Variants in SRCAP observed in about 807,000 individuals in gnomAD.
SRCAP encodes the protein Snf2 related CREBBP activator protein, also known as chromatin remodeling protein SRCAP.
SRCAP carries 46 observed loss-of-function variants against 263.1 expected under a neutral mutation model. The ratio of observed to expected loss-of-function variants is 0.17; its 90% CI spans 0.14 to 0.22. The LOEUF (loss-of-function observed/expected upper bound fraction) is 0.22. SRCAP is among the 10% of genes least tolerant of loss of function. The pLI is 1.00. For missense variants in SRCAP, 3,695 were observed against 4,181.9 expected (o/e 0.88, Z 3.21); for synonymous variants, 1,813 against 1,662.1 (o/e 1.09, Z -2.21).
At chr16:30,700,306 CAG>C (rs907768212) in intron 2 of SRCAP, among the ~76,000 whole-genome samples, 26 of 152,180 alleles carry the variant, frequency 1.7e-4, no homozygotes, top group African/African-American at 6.0e-4. Flanking sequence ...ACTTACAAAA[CAG>C]ATTATATTAG....
intron 25 of SRCAP, chr16:30,725,385 T>G (rs545052831): frequency 1.1e-4 from 37 of 347,974 alleles, no homozygotes; most frequent in African/African-American, 7.8e-4. Flanking sequence ...TCTCTGTCCC[T>G]TTTATGATTT....
rs368577129 is a variant in SRCAP, at chr16:30,738,838, C to G, written c.8798C>G (p.Pro2933Arg). The change falls in exon 34 of 34, where the codon CCT (proline) becomes CGT (arginine). Residue 2933 changes from proline to arginine, a missense_variant. Physicochemically the swap from Pro to Arg is moderately radical, Grantham distance 103. This residue lies in a region of SRCAP where 1,207 missense variants were observed against 1,142.9 expected (regional missense o/e 1.06). Transcript: ENST00000262518. ...PVHRPNPLLSPVEKRRRGRPP... is the reference protein window; with the variant it reads ...PVHRPNPLLSRVEKRRRGRPP... ...CACAGACCCAATCCCCTCCTGTCAC[C>G]TGTGGAGAAAAGAAGGCGAGGACGA... The G allele has an allele frequency of 1.2e-6, 2 of 1,614,158 alleles. No homozygotes were observed. The highest frequency in any genetic ancestry group is 4.5e-5 in the East Asian group (2 of 44,872).
Position 30,733,294 on chromosome 16 carries a change from T to C in SRCAP, c.6142T>C (p.Leu2048=). Residue 2048 remains leucine (L), a synonymous_variant, in exon 28 of 34, where the codon TTG becomes CTG. Transcript: ENST00000262518. The surrounding 1 kb of genome is among the most constrained non-coding windows in gnomAD (Gnocchi z 5.3). The stretch of plus-strand genomic sequence containing the variant: ...TATCTCTTTAGGAAAGTTGCAGACG[T>C]TGGCAGTGCTGTTGCGGCAGCTCAA... The part of the protein sequence containing the change: ...IQYDCGKLQT[L]AVLLRQLKAE... 1 of 1,614,020 alleles carries C rather than the reference T, an allele frequency of 6.2e-7. No homozygotes were observed. Among genetic ancestry groups the C allele is most frequent in the Non-Finnish European group, 8.5e-7 (1 of 1,180,024 alleles).
chr16:30,702,855 C>T (rs80140089), intron 3 of SRCAP, among the ~76,000 whole-genome samples: 4,916 of 151,356 alleles, frequency 0.032, 244 homozygotes, highest in African/African-American at 0.11. Context: ...CCGCCCGCCT[C>T]GGCCTCCCAA....
chr16:30,733,633 G>C lies in SRCAP; in HGVS notation c.6329G>C (p.Arg2110Pro), dbSNP rs1311592643. 1 of 1,613,936 alleles carries C rather than the reference G, an allele frequency of 6.2e-7. No individual in the cohort carries two copies. The highest frequency in any genetic ancestry group is 1.1e-5 in the South Asian group (1 of 91,070). The change falls in exon 29 of 34, where the codon CGC becomes CCC. Residue 2110 changes from arginine (R) to proline (P), a missense_variant. Arg to Pro is a moderately radical substitution (Grantham distance 103). Coordinates refer to ENST00000262518, the MANE Select transcript of SRCAP (RefSeq NM_006662.3). This position sits in a 1 kb window ranked among gnomAD's most constrained non-coding sequence, Gnocchi z 5.3. ...ALMERFNADK[R>P]IFCFILSTRS... ...ATGGAACGGTTCAATGCAGACAAAC[G>C]CATATTCTGCTTCATCCTTTCAACT... is the stretch of plus-strand genomic sequence containing the variant.
chr16:30,707,391 CTTCCTT>C, intron 5 of SRCAP, 23 bp downstream of exon 5: 4 of 1,611,266 alleles, frequency 2.5e-6, no homozygotes, highest in Non-Finnish European at 3.4e-6. Context: ...CTGGGACTTC[CTTCCTT>C]TTCCTTTTCA....
At chr16:30,708,378 A>T (rs1187343537) in intron 6 of SRCAP, among the ~76,000 whole-genome samples, 4 of 152,012 alleles carry the variant, frequency 2.6e-5, no homozygotes, top group Admixed American at 2.0e-4. Context: ...CTTGCTAATT[A>T]AAAAAATTCT....
In SRCAP at chr16:30,740,101, AAAT is replaced by A. The variant is rs2053210428; in HGVS notation, c.*374_*376del. The A allele has an allele frequency of 5.9e-6, 1 of 169,188 alleles. No homozygotes were observed. The highest frequency in any genetic ancestry group is 6.4e-5 in the Admixed American group (1 of 15,710). 10.5% of individuals were successfully genotyped at this position (169,188 alleles called of 1,614,324 possible). On this transcript the variant is annotated 3_prime_UTR_variant, in exon 34 of 34. Transcript: ENST00000262518. ...TTTTTTTTTTTTTTTTAAGAAGAAA[AAAT>A]AATAAACTTAGTTTCTGTATGAGCA...
rs539977059 is a variant in SRCAP, at chr16:30,703,859, T to C, written c.55-205T>C. On this transcript the variant is annotated intron_variant, in intron 3 of 33. Coordinates refer to ENST00000262518, the MANE Select transcript of SRCAP (RefSeq NM_006662.3). ...TTGCGGTGAGCCGAGATCGCGCCACTGCACTCCAGCCTGGGCGACAGAGCG... is the reference window on the plus strand; with the variant it reads ...TTGCGGTGAGCCGAGATCGCGCCACCGCACTCCAGCCTGGGCGACAGAGCG... 5.3e-5 allele frequency among the ~76,000 whole-genome samples: 8 copies of C among 152,232 alleles called. No homozygotes were observed. The East Asian group carries it at 1.6e-3, about 30-fold the overall frequency.
chr16:30,728,928 A>C (rs751397772), intron 25 of SRCAP, 38 bp from the exon 26 acceptor site: 3 of 1,582,258 alleles, frequency 1.9e-6, no homozygotes. Context: ...GTGGACTCTG[A>C]GGGTGCTGAT....
At chr16:30,734,725 C>T (rs2053143415) in intron 31 of SRCAP, 110 bp downstream of exon 31, 2 of 1,504,196 alleles carry the variant, frequency 1.3e-6, no homozygotes. Context: ...CTTCTGCTTC[C>T]CAGATTACAG....
Position 30,704,016 on chromosome 16 carries a change from A to AG in SRCAP, c.55-47dup, listed in dbSNP as rs779951980. The stretch of plus-strand genomic sequence containing the variant: ...ATGAAATAATGTATCTAAAACACTC[A>AG]GCACAGTGCGAAGCATTTATTTTCT... On this transcript the variant is annotated intron_variant, in intron 3 of 33. Coordinates refer to ENST00000262518, the MANE Select transcript of SRCAP (RefSeq NM_006662.3). 15 of 1,568,330 alleles carry AG rather than the reference A, an allele frequency of 9.6e-6. No individual in the cohort carries two copies. The Middle Eastern group carries it at 5.4e-4, about 56-fold the overall frequency.
chr16:30,723,961 C>G lies in SRCAP; in HGVS notation c.4537C>G (p.Pro1513Ala). ...CTTGACTCTAGGTTTGGCCACAGCT[C>G]CATCCCTGTCTTCATCTCAGACACC... ...SALTLGLATA[P>A]SLSSSQTPGH... The change falls in exon 25 of 34, where the codon CCA (proline) becomes GCA (alanine). Residue 1513 changes from proline to alanine, a missense_variant. Physicochemically the swap from Pro to Ala is conservative, Grantham distance 27. Coordinates refer to ENST00000262518, the MANE Select transcript of SRCAP (RefSeq NM_006662.3). 6.2e-7 allele frequency: 1 copy of G among 1,614,204 alleles called. No individual in the cohort carries two copies. The highest frequency in any genetic ancestry group is 8.5e-7 in the Non-Finnish European group (1 of 1,180,044).
intron 18 of SRCAP, 125 bp from the exon 19 acceptor site, chr16:30,720,037 C>A: frequency 2.0e-6 from 2 of 1,009,314 alleles, no homozygotes; most frequent in East Asian, 2.5e-5. Context: ...TGAGTGAGTA[C>A]ATGTGGTATT....
rs368747756 is a variant in SRCAP at position 30,739,771 on chromosome 16, A to T, written c.*38A>T. ...TCCACCTAGGCTTTCCACCGTGGCCACTCCCTCCATGACCAGGCCTGACTC... is the reference window on the plus strand; with the variant it reads ...TCCACCTAGGCTTTCCACCGTGGCCTCTCCCTCCATGACCAGGCCTGACTC... On this transcript the variant is annotated 3_prime_UTR_variant, in exon 34 of 34. Transcript: ENST00000262518. 2 of 1,449,142 alleles carry T rather than the reference A, an allele frequency of 1.4e-6. No homozygotes were observed. Among genetic ancestry groups the T allele is most frequent in the African/African-American group, 2.9e-5 (2 of 69,578 alleles). 89.8% of individuals were successfully genotyped at this position (1,449,142 alleles called of 1,614,324 possible).
chr16:30,707,134 A>C, intron 4 of SRCAP, 49 bp from the exon 5 acceptor site: 1 of 1,591,082 alleles, frequency 6.3e-7, no homozygotes, highest in East Asian at 2.2e-5. Flanking sequence ...TGGCAGTGAG[A>C]TGGAGTGTGT....
Position 30,741,139 on chromosome 16 carries a change from C to T in SRCAP, c.*1406C>T, listed in dbSNP as rs2053220627. 6.6e-6 allele frequency: 1 copy of T among 152,276 alleles called. No homozygotes were observed. Among genetic ancestry groups the T allele is most frequent in the Non-Finnish European group, 1.5e-5 (1 of 68,108 alleles). The allele number at this position is 152,276 out of a possible 1,614,324, so 9.4% of individuals were successfully genotyped here. A position where few individuals can be genotyped will look rare whatever the true frequency, so the allele number is the denominator to read the frequency against. ...TTGGAGAGAGGAGGTGGCAGGGAGGCAGCATAGCAGAGGAAGCCCTGACTT... is the reference window on the plus strand; with the variant it reads ...TTGGAGAGAGGAGGTGGCAGGGAGGTAGCATAGCAGAGGAAGCCCTGACTT... On this transcript the variant is annotated 3_prime_UTR_variant, in exon 34 of 34. Transcript: ENST00000262518.
Position 30,721,307 on chromosome 16 carries a change from C to G in SRCAP, c.3372C>G (p.Ser1124=), listed in dbSNP as rs771551480. The change falls in exon 21 of 34, where the codon TCC becomes TCG. Residue 1124 remains serine (S), a synonymous_variant. Coordinates refer to ENST00000262518, the MANE Select transcript of SRCAP (RefSeq NM_006662.3). The part of the protein sequence containing the change: ...VRLSPAPPPG[S]SSLLKPLTVP... ...TGAGCCCAGCCCCACCTCCAGGCTCCTCTAGCCTGTTGAAGCCCCTGACAG... is the reference window on the plus strand; with the variant it reads ...TGAGCCCAGCCCCACCTCCAGGCTCGTCTAGCCTGTTGAAGCCCCTGACAG... 1 of 1,614,102 alleles carries G rather than the reference C, an allele frequency of 6.2e-7. No homozygotes were observed. The highest frequency in any genetic ancestry group is 8.5e-7 in the Non-Finnish European group (1 of 1,180,056).
intron 14 of SRCAP, 65 bp from the exon 15 acceptor site, chr16:30,713,143 A>T: frequency 1.3e-6 from 2 of 1,521,212 alleles, no homozygotes; most frequent in Non-Finnish European, 1.8e-6. Context: ...GGAGTTTAGC[A>T]TGTCTTCCCT....
Sources: gnomAD v4.1 joint callset for allele counts (sites outside exome capture counted in the v4.1 genomes callset) on GRCh38, gnomAD v4.1.1 for gene constraint, gnomAD v4.1.1 regional missense constraint, Gnocchi (gnomAD v3.1) non-coding constraint, MANE v1.5 for transcripts, NCBI Gene and HGNC (gene_info 2026-07-23, HGNC 2026-07-21) for gene names.